The following VPS13C variants were observed in gnomAD, a reference collection of about 807,000 sequenced individuals.
The protein encoded by VPS13C is intermembrane lipid transfer protein VPS13C.
A neutral mutation model predicts 456.8 loss-of-function variants in VPS13C; 358 were observed. That is an observed-to-expected ratio of 0.78 (90% CI 0.72 to 0.86). The LOEUF (loss-of-function observed/expected upper bound fraction) is 0.86, where lower values mean the gene tolerates loss of function less well. Among genes scored for constraint, VPS13C ranks in the 40% least tolerant of loss-of-function variants. The pLI is 0.00. For synonymous variants in VPS13C, 1,578 were observed against 1,486.7 expected, an observed-to-expected ratio of 1.06 and a Z score of -1.41; for missense variants, 4,818 against 4,385.4, an observed-to-expected ratio of 1.10 and a Z score of -2.79.
At chr15:62,001,009 G>C (rs914449837) in intron 15 of VPS13C, among the ~76,000 whole-genome samples, 2 of 151,962 alleles carry the variant, frequency 1.3e-5, no homozygotes, top group African/African-American at 4.8e-5. Context: ...TTGTACTAAC[G>C]GTGACATTAC....
rs1895032905 is a variant in VPS13C, at chr15:61,871,553, T to A, written c.10624+436A>T. 2.3e-5 allele frequency among the ~76,000 whole-genome samples: 3 copies of A among 128,074 alleles called. No individual in the cohort carries two copies. The Admixed American group carries it at 2.6e-4, about 11-fold the overall frequency. 84.0% of individuals were successfully genotyped at this position (128,074 alleles called of 152,430 possible). A position where few individuals can be genotyped will look rare whatever the true frequency, so the allele number is the denominator to read the frequency against. The stretch of plus-strand genomic sequence containing the variant: ...TTTGGGAAGTAGAAGTCCTCCAACT[T>A]TGTTCTTTTTCAAGACTTTTTTTTT... On this transcript the variant is annotated intron_variant, in intron 79 of 84. Coordinates refer to ENST00000644861, the MANE Select transcript of VPS13C (RefSeq NM_020821.3).
At chr15:61,958,784 A>G in intron 36 of VPS13C, 68 bp from the exon 37 acceptor site, 1 of 827,414 alleles carries the variant, frequency 1.2e-6, no homozygotes, top group East Asian at 3.1e-5. Context: ...AATACAGAAA[A>G]TAAATTCCCA....
intron 2 of VPS13C, among the ~76,000 whole-genome samples, chr15:62,041,677 T>C (rs577645351): frequency 1.3e-5 from 2 of 151,744 alleles, no homozygotes; most frequent in South Asian, 2.1e-4. Context: ...AAAATTAGCC[T>C]GGTGTGGTGG....
At chr15:62,032,084 A>G (rs764738927) in intron 5 of VPS13C, among the ~76,000 whole-genome samples, 1 of 151,916 alleles carries the variant, frequency 6.6e-6, no homozygotes, top group Non-Finnish European at 1.5e-5. Flanking sequence ...TAATTATGCT[A>G]TATCAATATA....
intron 1 of VPS13C, among the ~76,000 whole-genome samples, chr15:62,045,731 T>A (rs916607042): frequency 6.6e-6 from 1 of 151,766 alleles, no homozygotes; most frequent in East Asian, 1.9e-4. Flanking sequence ...TACAAGGATA[T>A]TGCAGTATTG....
At chr15:62,036,231 T>C (rs1596512045) in intron 3 of VPS13C, among the ~76,000 whole-genome samples, 1 of 108,208 alleles carries the variant, frequency 9.2e-6, no homozygotes, top group African/African-American at 3.2e-5. Context: ...CATGCTTGTA[T>C]GTGAATAATT....
In VPS13C at chr15:61,962,747, A is replaced by G. The variant is rs775271469; in HGVS notation, c.3435+2T>C. On this transcript the variant is annotated splice_donor_variant, in intron 33 of 84. Coordinates refer to ENST00000644861, the MANE Select transcript of VPS13C (RefSeq NM_020821.3). LOFTEE classifies it high-confidence loss of function. ...ATTAACTATCTGTTTACAATCACCT[A>G]CTTTCTTATGAACTGTCTTTGGATC... 1 of 1,578,236 alleles carries G rather than the reference A, an allele frequency of 6.3e-7. No individual in the cohort carries two copies. The highest frequency in any genetic ancestry group is 1.2e-5 in the South Asian group (1 of 84,606).
chr15:61,996,998 C>CATATATATATATATATATATATATATAT (rs35381809), intron 16 of VPS13C, among the ~76,000 whole-genome samples: 6 of 145,566 alleles, frequency 4.1e-5, no homozygotes, highest in African/African-American at 1.6e-4. Flanking sequence ...TACATACATA[C>CATATATATATATATATATATATATATAT]ATATATATAT....
chr15:62,048,233 C>A (rs995803572), intron 1 of VPS13C, among the ~76,000 whole-genome samples: 1 of 141,674 alleles, frequency 7.1e-6, no homozygotes, highest in African/African-American at 2.5e-5. Flanking sequence ...TTAGATATAT[C>A]TCCTAATGCT....
At position 62,007,470 on chromosome 15, in the gene VPS13C, A is replaced by G. The variant is rs760850210; in HGVS notation, c.1128T>C (p.Tyr376=). 42 of 1,575,190 alleles carry G rather than the reference A, an allele frequency of 2.7e-5. No homozygotes were observed. The South Asian group carries it at 4.2e-4, about 16-fold the overall frequency. ...LHTNGRRWWK[Y]AIDSVLEVHI... ...GAACTTCAAGAACAGAATCAATTGC[A>G]TATTTCCACCTGAAAATCAAATTTT... is the stretch of plus-strand genomic sequence containing the variant. Residue 376 remains tyrosine (Y), a synonymous_variant, in exon 15 of 85, where the codon TAT becomes TAC. Transcript: ENST00000644861.
rs374520394 is a variant in VPS13C at position 61,891,392 on chromosome 15, A to G, written c.9106-992T>C. ...TGAGTGTCACTAATGTTCAAAATTT[A>G]CTAATACTTTCAAGGTACATTATGT... On this transcript the variant is annotated intron_variant, in intron 66 of 84. Transcript: ENST00000644861. 5.3e-5 allele frequency among the ~76,000 whole-genome samples: 8 copies of G among 152,304 alleles called. No homozygotes were observed. The East Asian group carries it at 1.2e-3, about 22-fold the overall frequency.
At position 61,880,577 on chromosome 15, in the gene VPS13C, A is replaced by G. The variant is rs374946943; in HGVS notation, c.10002+32T>C. The G allele has an allele frequency of 2.8e-6, 4 of 1,437,956 alleles. No homozygotes were observed. In the African/African-American group the frequency reaches 5.8e-5, roughly 21 times the overall value. The allele number at this position is 1,437,956 out of a possible 1,614,324, so 89.1% of individuals were successfully genotyped here. A position where few individuals can be genotyped will look rare whatever the true frequency, so the allele number is the denominator to read the frequency against. On this transcript the variant is annotated intron_variant, in intron 73 of 84. Transcript: ENST00000644861. ...CTTTAAAAAGTTCTACAATAATTTCACTAAATTTTCAAAATAATAATTACA... is the reference window on the plus strand; with the variant it reads ...CTTTAAAAAGTTCTACAATAATTTCGCTAAATTTTCAAAATAATAATTACA...
chr15:62,026,140 G>A (rs1011801846), intron 6 of VPS13C, among the ~76,000 whole-genome samples: 1 of 140,936 alleles, frequency 7.1e-6, no homozygotes, highest in African/African-American at 2.5e-5. Context: ...GAAAAGGGGG[G>A]AGCATATTCA....
In VPS13C at chr15:61,959,441, T is replaced by C. The variant is rs747927083; in HGVS notation, c.4056+7A>G. 3.7e-6 allele frequency: 6 copies of C among 1,606,092 alleles called. No homozygotes were observed. Among genetic ancestry groups the C allele is most frequent in the Non-Finnish European group, 5.1e-6 (6 of 1,175,044 alleles). The stretch of plus-strand genomic sequence containing the variant: ...CAATGAAGTTTTTTCTTCACTCATA[T>C]ACTTACATTCATTGAATCAAGATGT... On this transcript the variant is annotated splice_region_variant and intron_variant, in intron 36 of 84. Transcript: ENST00000644861.
intron 81 of VPS13C, chr15:61,866,030 T>A (rs946759007): frequency 2.6e-5 from 26 of 983,876 alleles, no homozygotes; most frequent in Non-Finnish European, 3.1e-5. Context: ...AATATTTCCA[T>A]GTTTTGTTTT....
At chr15:62,050,051 G>C (rs1486007893) in intron 1 of VPS13C, among the ~76,000 whole-genome samples, 1 of 152,200 alleles carries the variant, frequency 6.6e-6, no homozygotes, top group Non-Finnish European at 1.5e-5. Context: ...TCTGCAAACA[G>C]GGACAATTTT....
intron 52 of VPS13C, among the ~76,000 whole-genome samples, chr15:61,925,947 A>G (rs1478488777): frequency 6.6e-6 from 1 of 152,236 alleles, no homozygotes; most frequent in Non-Finnish European, 1.5e-5. Flanking sequence ...GATGCTTGAC[A>G]GGTCAGTCTG....
chr15:61,981,621 G>A, intron 21 of VPS13C, 143 bp from the exon 22 acceptor site: 2 of 732,622 alleles, frequency 2.7e-6, no homozygotes, highest in Non-Finnish European at 3.9e-6. Flanking sequence ...AGCACTTTGG[G>A]AGGCCGAGAC....
intron 82 of VPS13C, among the ~76,000 whole-genome samples, chr15:61,862,514 T>C (rs181777268): frequency 2.6e-5 from 4 of 152,308 alleles, no homozygotes; most frequent in East Asian, 3.9e-4. Context: ...AATTAACACA[T>C]TGCAACAGCT....
Sources: gnomAD v4.1 joint callset for allele counts (sites outside exome capture counted in the v4.1 genomes callset) on GRCh38, gnomAD v4.1.1 for gene constraint, MANE v1.5 for transcripts, NCBI Gene and HGNC (gene_info 2026-07-23, HGNC 2026-07-21) for gene names.